The following EPB41L1 variants were observed in gnomAD, a reference collection of about 807,000 sequenced individuals.
The protein encoded by EPB41L1 is erythrocyte membrane protein band 4.1 like 1, also known as band 4.1-like protein 1.
Under a neutral mutation model 97.8 loss-of-function variants are expected in EPB41L1, and 29 were observed. The ratio of observed to expected loss-of-function variants is 0.30; its 90% CI spans 0.22 to 0.40. EPB41L1 has a LOEUF of 0.40. Among genes scored for constraint, EPB41L1 ranks in the 10% least tolerant of loss-of-function variants. The pLI is 1.00. For missense variants in EPB41L1, 812 were observed against 1,162.3 expected, an observed-to-expected ratio of 0.70 and a Z score of 4.38; for synonymous variants, 383 against 459.2, an observed-to-expected ratio of 0.83 and a Z score of 2.12.
intron 2 of EPB41L1, among the ~76,000 whole-genome samples, chr20:36,116,664 G>A (rs971859370): frequency 2.0e-5 from 3 of 152,188 alleles, no homozygotes; most frequent in African/African-American, 7.2e-5. Flanking sequence ...AGCCATTCAG[G>A]AGGGTTCTCC....
At position 36,112,071 on chromosome 20, in the gene EPB41L1, C is replaced by T. The variant is rs76106802; in HGVS notation, c.-64-355C>T. Among the ~76,000 whole-genome samples, 717 of 152,296 alleles carry T rather than the reference C, an allele frequency of 4.7e-3. 7 individuals are homozygous for T. The highest frequency in any genetic ancestry group is 0.017 in the African/African-American group (695 of 41,560). On this transcript the variant is annotated intron_variant, in intron 1 of 19. Transcript: ENST00000202028. ...CAACCACCCTAGCTTAGGCCCTCAT[C>T]ATATCTCCGCTGGATAATCACAACA...
At chr20:36,116,597 G>A (rs899358926) in intron 2 of EPB41L1, among the ~76,000 whole-genome samples, 1 of 152,056 alleles carries the variant, frequency 6.6e-6, no homozygotes, top group African/African-American at 2.4e-5. Flanking sequence ...TCCATTCCCC[G>A]GGGATCAGCA....
At chr20:36,163,386 T>G (rs1236932568) in intron 1 of EPB41L1, among the ~76,000 whole-genome samples, 1 of 152,110 alleles carries the variant, frequency 6.6e-6, no homozygotes, top group Non-Finnish European at 1.5e-5. Flanking sequence ...GCCTGTGAGG[T>G]ATGTAAGTTT....
intron 2 of EPB41L1, among the ~76,000 whole-genome samples, chr20:36,135,115 G>A (rs907255445): frequency 2.0e-5 from 3 of 151,952 alleles, no homozygotes; most frequent in East Asian, 1.9e-4. Flanking sequence ...CGACCACCTC[G>A]GCCTCCCAAA....
intron 1 of EPB41L1, among the ~76,000 whole-genome samples, chr20:36,156,274 A>G (rs2060296446): frequency 6.6e-6 from 1 of 152,208 alleles, no homozygotes; most frequent in African/African-American, 2.4e-5. Context: ...GGGGCACCTC[A>G]AGGCAGTCCT....
In EPB41L1 at chr20:36,129,947, G is replaced by T. The variant is rs11906411; in HGVS notation, c.-10+17467G>T. 4.7e-3 allele frequency among the ~76,000 whole-genome samples: 603 copies of T among 127,662 alleles called. 1 individual carries two copies. The highest frequency in any genetic ancestry group is 8.2e-3 in the Middle Eastern group (2 of 244). 83.8% of individuals were successfully genotyped at this position (127,662 alleles called of 152,430 possible). On this transcript the variant is annotated intron_variant, in intron 2 of 19. Transcript: ENST00000202028. ...CCCGGCAGGTTTGTTTTTTTTTTTT[G>T]TTTTTTTTTTTTGAGACGGAGTCTT...
At chr20:36,196,548 T>A (rs184710087) in intron 13 of EPB41L1, among the ~76,000 whole-genome samples, 1 of 152,290 alleles carries the variant, frequency 6.6e-6, no homozygotes, top group African/African-American at 2.4e-5. Context: ...CAGACAGATG[T>A]CTGGAGGGAA....
intron 2 of EPB41L1, among the ~76,000 whole-genome samples, chr20:36,130,033 C>A (rs1302620767): frequency 6.6e-6 from 1 of 151,802 alleles, no homozygotes; most frequent in Non-Finnish European, 1.5e-5. Flanking sequence ...CCTCCGCCCC[C>A]CAGGTTCAAG....
At chr20:36,105,217 A>G (rs1436778787) in intron 1 of EPB41L1, among the ~76,000 whole-genome samples, 1 of 152,172 alleles carries the variant, frequency 6.6e-6, no homozygotes, top group East Asian at 1.9e-4. Flanking sequence ...CTGGCACTGT[A>G]CAGCCCTGGA....
intron 2 of EPB41L1, chr20:36,122,626 C>G (rs1005740090): frequency 1.3e-5 from 2 of 152,404 alleles, no homozygotes; most frequent in African/African-American, 4.8e-5. Context: ...GTCCTTACCC[C>G]CATACCCCCA....
chr20:36,099,144 G>C (rs1433796204), intron 1 of EPB41L1, among the ~76,000 whole-genome samples: 1 of 152,114 alleles, frequency 6.6e-6, no homozygotes, highest in Non-Finnish European at 1.5e-5. Flanking sequence ...ACTCTAGCCT[G>C]GGTGACAGAG....
Position 36,124,973 on chromosome 20 carries a change from G to C in EPB41L1, c.-10+12493G>C, listed in dbSNP as rs559321113. 1.1e-4 allele frequency among the ~76,000 whole-genome samples: 17 copies of C among 152,264 alleles called. No homozygotes were observed. The South Asian group carries it at 3.5e-3, about 32-fold the overall frequency. The stretch of plus-strand genomic sequence containing the variant: ...ATTAAGATTGGAAAGTGATGCACTC[G>C]TGCCAGATCTTGGGGGTCCCTGATG... On this transcript the variant is annotated intron_variant, in intron 2 of 19. Transcript: ENST00000202028.
chr20:36,182,185 CTT>C (rs1244887291), intron 5 of EPB41L1, 85 bp from the exon 6 acceptor site: 2 of 1,197,694 alleles, frequency 1.7e-6, no homozygotes, highest in Non-Finnish European at 2.5e-6. Context: ...ATAGGAGAAA[CTT>C]TGAAAAACTG....
At chr20:36,226,521 A>G (rs2147188541) in intron 21 of EPB41L1, among the ~76,000 whole-genome samples, 1 of 152,264 alleles carries the variant, frequency 6.6e-6, no homozygotes, top group African/African-American at 2.4e-5. Flanking sequence ...TTAGAGAGTG[A>G]AACCCAATCT....
Position 36,190,808 on chromosome 20 carries a change from A to G in EPB41L1, c.1300+11A>G, listed in dbSNP as rs527845936. ...GCAGCCTTGATGGAGGTATGGCCCA[A>G]ATTGGAGGGCTGGGCGGGGAATGGT... On this transcript the variant is annotated intron_variant, in intron 11 of 21. Transcript: ENST00000338074. The surrounding 1 kb of genome is among the most constrained non-coding windows in gnomAD (Gnocchi z 5.8). 53 of 1,613,242 alleles carry G rather than the reference A, an allele frequency of 3.3e-5. 1 individual carries two copies. The African/African-American group carries it at 4.1e-4, about 13-fold the overall frequency.
chr20:36,163,726 C>T (rs929191405), intron 1 of EPB41L1, among the ~76,000 whole-genome samples: 1 of 152,258 alleles, frequency 6.6e-6, no homozygotes, highest in Non-Finnish European at 1.5e-5. Context: ...ACCTGAGTTC[C>T]GTGACTGGTA....
In EPB41L1 at chr20:36,106,017, T is replaced by C. The variant is rs565440251; in HGVS notation, c.-64-6409T>C. On this transcript the variant is annotated intron_variant, in intron 1 of 19. Coordinates refer to the EPB41L1 transcript ENST00000202028. ...TAAGGTGACCCTGGGAGGTGAGCAC[T>C]GGCTCTGGCCTTAGTCCAAGGGCCT... Among the ~76,000 whole-genome samples, 66 of 152,286 alleles carry C rather than the reference T, an allele frequency of 4.3e-4. No individual in the cohort carries two copies. In the South Asian group the frequency reaches 0.012, roughly 28 times the overall value.
chr20:36,113,408 TTGTG>T (rs3057822), intron 2 of EPB41L1, among the ~76,000 whole-genome samples: 10,626 of 143,286 alleles, frequency 0.074, 408 homozygotes, highest in East Asian at 0.15. Flanking sequence ...AACTTTCCAT[TTGTG>T]TGTGTGTGTG....
chr20:36,184,055 C>T (rs2061575837), intron 6 of EPB41L1, among the ~76,000 whole-genome samples: 3 of 151,920 alleles, frequency 2.0e-5, no homozygotes, highest in Non-Finnish European at 1.5e-5. Context: ...GGCAACGTGG[C>T]GAAACCTTGT....
Sources: allele counts gnomAD v4.1 joint callset (sites outside exome capture counted in the v4.1 genomes callset), GRCh38; gene constraint gnomAD v4.1.1; non-coding constraint Gnocchi (gnomAD v3.1); transcripts MANE v1.5; gene names NCBI Gene and HGNC (gene_info 2026-07-23, HGNC 2026-07-21).